Variants in OPN5 observed in about 807,000 individuals in gnomAD.
The protein encoded by OPN5 is opsin 5, also known as opsin-5.
OPN5 carries 18 observed loss-of-function variants against 41.7 expected under a neutral mutation model. The ratio of observed to expected loss-of-function variants is 0.43; its 90% CI spans 0.30 to 0.64. OPN5 has a LOEUF of 0.64. Ranked by LOEUF, OPN5 falls within the 30% of genes least tolerant of loss-of-function variation. OPN5 has a pLI of 0.13. For synonymous variants in OPN5, 178 were observed against 164.3 expected, an observed-to-expected ratio of 1.08 and a Z score of -0.64; for missense variants, 318 against 434.5, an observed-to-expected ratio of 0.73 and a Z score of 2.38.
intron 4 of OPN5, among the ~76,000 whole-genome samples, chr6:47,800,129 A>G (rs1773713146): frequency 6.6e-6 from 1 of 152,254 alleles, no homozygotes; most frequent in Non-Finnish European, 1.5e-5. Flanking sequence ...GGGGAATGGT[A>G]GAGTCACTGC....
intron 6 of OPN5, among the ~76,000 whole-genome samples, chr6:47,816,562 G>A (rs1043466649): frequency 2.0e-5 from 3 of 152,136 alleles, no homozygotes; most frequent in African/African-American, 7.2e-5. Flanking sequence ...GAGCTGGCCA[G>A]GTGATTTGGG....
At chr6:47,796,290 CAA>C (rs1293285869) in intron 4 of OPN5, among the ~76,000 whole-genome samples, 1 of 152,098 alleles carries the variant, frequency 6.6e-6, no homozygotes, top group Non-Finnish European at 1.5e-5. Flanking sequence ...GGTGGGAATT[CAA>C]AGAGATAAAG....
At chr6:47,821,286 C>T (rs1481600953) in intron 6 of OPN5, among the ~76,000 whole-genome samples, 2 of 152,174 alleles carry the variant, frequency 1.3e-5, no homozygotes. Flanking sequence ...GTCTCACTAC[C>T]TTGTGGGGAA....
At chr6:47,799,831 C>A (rs925371223) in intron 4 of OPN5, among the ~76,000 whole-genome samples, 1 of 152,070 alleles carries the variant, frequency 6.6e-6, no homozygotes, top group Admixed American at 6.5e-5. Flanking sequence ...GGTCCTGTAC[C>A]TATTTGGGAG....
intron 6 of OPN5, among the ~76,000 whole-genome samples, chr6:47,820,596 C>T (rs1359594318): frequency 6.6e-6 from 1 of 152,106 alleles, no homozygotes; most frequent in Non-Finnish European, 1.5e-5. Context: ...GCATCAAATC[C>T]TAACTTGGCT....
intron 3 of OPN5, 24 bp downstream of exon 3, chr6:47,791,996 C>A (rs1773389668): frequency 6.3e-7 from 1 of 1,583,582 alleles, no homozygotes; most frequent in Admixed American, 1.7e-5. Context: ...TTTCTCATTC[C>A]CTGACAGTTA....
At chr6:47,810,416 T>C (rs1381600216) in intron 5 of OPN5, among the ~76,000 whole-genome samples, 1 of 152,116 alleles carries the variant, frequency 6.6e-6, no homozygotes, top group Non-Finnish European at 1.5e-5. Flanking sequence ...TTTCTCTTTG[T>C]TGTTATTAAG....
chr6:47,795,356 C>T, exon 4 of OPN5: 1 of 1,614,170 alleles, frequency 6.2e-7, no homozygotes, highest in Non-Finnish European at 8.5e-7. Context: ...GAACCTCGTG[C>T]ACCCTGGACT....
At chr6:47,805,591 C>T (rs1773929614) in intron 4 of OPN5, among the ~76,000 whole-genome samples, 1 of 152,066 alleles carries the variant, frequency 6.6e-6, no homozygotes, top group South Asian at 2.1e-4. Context: ...ACCCCATAGA[C>T]AGGCTGTTCC....
In OPN5 at chr6:47,819,787, T is replaced by C. The variant is rs74806082; in HGVS notation, c.1057-4196T>C. ...GTAGTGAGTCTTAGATGTCAGCTCA[T>C]TCTGTATTGATTGCAATTAATACAA... On this transcript the variant is annotated intron_variant, in intron 6 of 6. Coordinates refer to ENST00000371211, the Ensembl canonical transcript of OPN5. 8.6e-3 allele frequency among the ~76,000 whole-genome samples: 1,317 copies of C among 152,274 alleles called. 20 individuals carry two copies. Among genetic ancestry groups the C allele is most frequent in the African/African-American group, 0.03 (1,232 of 41,544 alleles).
intron 2 of OPN5, 64 bp from the exon 3 acceptor site, chr6:47,791,738 G>A (rs769938206): frequency 6.2e-6 from 9 of 1,455,166 alleles, no homozygotes; most frequent in Non-Finnish European, 8.6e-6. Context: ...GTTCAGGTGA[G>A]TTGAGGTAGG....
At chr6:47,811,726 G>A (rs1368725527) in exon 6 of OPN5, 3 of 1,608,536 alleles carry the variant, frequency 1.9e-6, no homozygotes, top group Non-Finnish European at 2.6e-6. Flanking sequence ...GGAAATTCAT[G>A]AAGAGGTATG....
chr6:47,813,618 T>A (rs1053881063), intron 6 of OPN5, among the ~76,000 whole-genome samples: 1 of 152,072 alleles, frequency 6.6e-6, no homozygotes, highest in African/African-American at 2.4e-5. Context: ...GAAAGACCAG[T>A]CTGGTGGCAG....
chr6:47,810,386 G>A (rs1352641878), intron 5 of OPN5, among the ~76,000 whole-genome samples: 1 of 152,148 alleles, frequency 6.6e-6, no homozygotes, highest in African/African-American at 2.4e-5. Context: ...TCTTTACAAA[G>A]AAGCCAAAAA....
At chr6:47,815,500 A>T (rs1199909870) in intron 6 of OPN5, among the ~76,000 whole-genome samples, 1 of 152,182 alleles carries the variant, frequency 6.6e-6, no homozygotes, top group Non-Finnish European at 1.5e-5. Flanking sequence ...CTGCCAAAAC[A>T]TCAGAGAACA....
At chr6:47,801,446 C>A (rs1314500604) in intron 4 of OPN5, among the ~76,000 whole-genome samples, 2 of 152,122 alleles carry the variant, frequency 1.3e-5, no homozygotes, top group Non-Finnish European at 2.9e-5. Context: ...ATGACTCCTC[C>A]CTTTTATAAC....
chr6:47,786,899 C>A (rs1773210809), intron 2 of OPN5, among the ~76,000 whole-genome samples: 1 of 152,110 alleles, frequency 6.6e-6, no homozygotes, highest in South Asian at 2.1e-4. Flanking sequence ...ATATGTGATA[C>A]CTCAGATGTC....
At chr6:47,785,166 T>C (rs72866322) in intron 1 of OPN5, among the ~76,000 whole-genome samples, 1 of 152,342 alleles carries the variant, frequency 6.6e-6, no homozygotes, top group Non-Finnish European at 1.5e-5. Context: ...TGGATACTTG[T>C]TTTTACTCTT....
chr6:47,823,248 A>G (rs931019423), intron 6 of OPN5: 2 of 152,302 alleles, frequency 1.3e-5, no homozygotes. Context: ...AGGAAGCACT[A>G]TTTAAGCAAA....
Sources: gnomAD v4.1 joint callset for allele counts (sites outside exome capture counted in the v4.1 genomes callset) on GRCh38, gnomAD v4.1.1 for gene constraint, MANE v1.5 for transcripts, NCBI Gene and HGNC (gene_info 2026-07-23, HGNC 2026-07-21) for gene names.